KCNH7: variants seen among roughly 807,000 people sequenced by gnomAD.
The protein encoded by KCNH7 is potassium voltage-gated channel subfamily H member 7.
A neutral mutation model predicts 120.8 loss-of-function variants in KCNH7; 49 were observed. That is an observed-to-expected ratio of 0.41 (90% confidence interval 0.32 to 0.51). The LOEUF is 0.51. Ranked by LOEUF, KCNH7 falls within the 20% of genes least tolerant of loss-of-function variation. The pLI is 0.38. For synonymous variants in KCNH7, 547 were observed against 516.1 expected (o/e 1.06, Z -0.81); for missense variants, 1,097 against 1,446.6 (o/e 0.76, Z 3.92).
At chr2:162,436,304 A>G (rs1015274827) in intron 7 of KCNH7, among the ~76,000 whole-genome samples, 1 of 152,144 alleles carries the variant, frequency 6.6e-6, no homozygotes, top group Non-Finnish European at 1.5e-5. Context: ...TTATTGGATG[A>G]TTGCATGCAT....
intron 3 of KCNH7, among the ~76,000 whole-genome samples, chr2:162,529,692 C>T (rs1691848355): frequency 6.6e-6 from 1 of 151,878 alleles, no homozygotes; most frequent in South Asian, 2.1e-4. Context: ...TATTCTACAT[C>T]ATCAAGTATT....
chr2:162,399,008 G>T (rs1686995661), intron 10 of KCNH7, among the ~76,000 whole-genome samples: 2 of 151,764 alleles, frequency 1.3e-5, no homozygotes, highest in African/African-American at 2.4e-5. Context: ...CCATACTCTG[G>T]TTCTACACAG....
chr2:162,674,515 A>G (rs1574251031), intron 2 of KCNH7, among the ~76,000 whole-genome samples: 1 of 151,868 alleles, frequency 6.6e-6, no homozygotes, highest in Non-Finnish European at 1.5e-5. Context: ...TTTTATAGAA[A>G]TGAAAAAGCC....
chr2:162,657,360 T>G (rs903041938), intron 2 of KCNH7, among the ~76,000 whole-genome samples: 4 of 152,186 alleles, frequency 2.6e-5, no homozygotes, highest in Admixed American at 6.5e-5. Flanking sequence ...TTGTTTGACT[T>G]TCTTCATGGT....
At chr2:162,718,143 C>T (rs1413701770) in intron 2 of KCNH7, among the ~76,000 whole-genome samples, 1 of 151,778 alleles carries the variant, frequency 6.6e-6, no homozygotes, top group Non-Finnish European at 1.5e-5. Flanking sequence ...TTTAGTTGAT[C>T]TCTTAACACT....
intron 2 of KCNH7, among the ~76,000 whole-genome samples, chr2:162,767,600 A>G (rs1242060302): frequency 1.3e-5 from 2 of 152,098 alleles, no homozygotes; most frequent in Non-Finnish European, 2.9e-5. Context: ...TTCTGCTAAA[A>G]TGGTACCCAC....
intron 2 of KCNH7, among the ~76,000 whole-genome samples, chr2:162,782,422 C>T (rs1292671548): frequency 6.6e-6 from 1 of 152,092 alleles, no homozygotes; most frequent in Non-Finnish European, 1.5e-5. Flanking sequence ...AGTCATGTGG[C>T]TATTTTGGAG....
intron 2 of KCNH7, among the ~76,000 whole-genome samples, chr2:162,693,416 G>C (rs1254670362): frequency 1.3e-5 from 2 of 152,174 alleles, no homozygotes; most frequent in Non-Finnish European, 2.9e-5. Flanking sequence ...ACTACAGCAT[G>C]ACATTTGTGT....
intron 2 of KCNH7, among the ~76,000 whole-genome samples, chr2:162,549,100 C>T (rs1215307658): frequency 6.6e-6 from 1 of 152,118 alleles, no homozygotes; most frequent in Non-Finnish European, 1.5e-5. Context: ...CTAGACCTTG[C>T]CTCTAGTTCT....
chr2:162,719,000 T>A (rs1175730689), intron 2 of KCNH7, among the ~76,000 whole-genome samples: 3 of 152,002 alleles, frequency 2.0e-5, no homozygotes, highest in African/African-American at 7.2e-5. Flanking sequence ...TCTCTTCCAA[T>A]CCACTGATAA....
intron 7 of KCNH7, among the ~76,000 whole-genome samples, chr2:162,445,462 C>G (rs1208981776): frequency 1.3e-5 from 2 of 151,452 alleles, no homozygotes; most frequent in Non-Finnish European, 2.9e-5. Context: ...AAGTTCTGGA[C>G]TCTCTATCCA....
At chr2:162,514,417 T>C (rs1691212751) in intron 4 of KCNH7, among the ~76,000 whole-genome samples, 1 of 151,774 alleles carries the variant, frequency 6.6e-6, no homozygotes, top group Admixed American at 6.6e-5. Flanking sequence ...ACCTAAAAAT[T>C]ATATGTAAAG....
At position 162,512,726 on chromosome 2, in the gene KCNH7, AATTAT is replaced by A. The variant is rs774824660; in HGVS notation, c.893-57_893-53del. The A allele has an allele frequency of 7.2e-6, 10 of 1,392,306 alleles. No homozygotes were observed. The Admixed American group carries it at 8.6e-5, about 12-fold the overall frequency. The allele number at this position is 1,392,306 out of a possible 1,614,324, so 86.2% of individuals were successfully genotyped here. ...AAGAGAAATATAAAAAGAAGACTAA[AATTAT>A]ATTATATACACTGAATTACCTGTAT... On this transcript the variant is annotated intron_variant, in intron 4 of 15. Transcript: ENST00000332142.
At chr2:162,589,324 A>G (rs938312448) in intron 2 of KCNH7, among the ~76,000 whole-genome samples, 4 of 152,080 alleles carry the variant, frequency 2.6e-5, no homozygotes, top group Non-Finnish European at 4.4e-5. Flanking sequence ...TCAATGTTTA[A>G]CAAGAGGCAG....
chr2:162,462,283 T>A (rs994270824), intron 6 of KCNH7, among the ~76,000 whole-genome samples: 1 of 152,064 alleles, frequency 6.6e-6, no homozygotes, highest in African/African-American at 2.4e-5. Context: ...TCGACCATGG[T>A]GTATTGTCCT....
chr2:162,538,981 G>A (rs1692206673), intron 2 of KCNH7, among the ~76,000 whole-genome samples: 1 of 152,050 alleles, frequency 6.6e-6, no homozygotes, highest in South Asian at 2.1e-4. Context: ...ATCTATAAAT[G>A]TGGCAATGGT....
At chr2:162,485,826 G>A (rs903331863) in intron 6 of KCNH7, among the ~76,000 whole-genome samples, 2 of 152,172 alleles carry the variant, frequency 1.3e-5, no homozygotes, top group African/African-American at 4.8e-5. Context: ...AAACAGGATG[G>A]TACAGCTCAA....
intron 2 of KCNH7, among the ~76,000 whole-genome samples, chr2:162,597,900 G>T (rs1033179874): frequency 6.6e-6 from 1 of 151,972 alleles, no homozygotes; most frequent in African/African-American, 2.4e-5. Context: ...TTGAAACATG[G>T]AGTATTTTTG....
intron 2 of KCNH7, among the ~76,000 whole-genome samples, chr2:162,626,393 T>C (rs970094919): frequency 6.6e-6 from 1 of 152,136 alleles, no homozygotes; most frequent in African/African-American, 2.4e-5. Context: ...AACAAATTTT[T>C]GAAAATGGAA....
Sources: gnomAD v4.1 joint callset for allele counts (sites outside exome capture counted in the v4.1 genomes callset) on GRCh38, gnomAD v4.1.1 for gene constraint, MANE v1.5 for transcripts, NCBI Gene and HGNC (gene_info 2026-07-23, HGNC 2026-07-21) for gene names.